Variants in ABTB2 observed in about 807,000 individuals in gnomAD.
ABTB2 encodes ankyrin repeat and BTB/POZ domain-containing protein 2.
A neutral mutation model predicts 104.1 loss-of-function variants in ABTB2; 56 were observed. The ratio of observed to expected loss-of-function variants is 0.54; its 90% confidence interval spans 0.43 to 0.67. ABTB2 has a LOEUF of 0.67. ABTB2 is among the 30% of genes least tolerant of loss of function. The probability of loss-of-function intolerance (pLI) is 0.00; values close to 1 mark genes in which losing one functional copy is unlikely to be tolerated. For missense variants in ABTB2, 1,279 were observed against 1,407.7 expected (o/e 0.91, Z 1.46); for synonymous variants, 606 against 608.2 (o/e 1.00, Z 0.05).
rs186156762 is a variant in ABTB2, at chr11:34,187,051, G to A, written c.1244+10274C>T. Among the ~76,000 whole-genome samples the A allele has an allele frequency of 2.1e-4, 32 of 152,274 alleles. No homozygotes were observed. The East Asian group carries it at 5.8e-3, about 28-fold the overall frequency. On this transcript the variant is annotated intron_variant, in intron 3 of 16. Coordinates refer to ENST00000435224, the MANE Select transcript of ABTB2 (RefSeq NM_145804.3). ...GATCTGTCTCTTACCAGCTGTGATGGTGGGCATGCCTCGGACCTCCTCAAG... is the reference window on the plus strand; with the variant it reads ...GATCTGTCTCTTACCAGCTGTGATGATGGGCATGCCTCGGACCTCCTCAAG...
chr11:34,251,349 A>G (rs1017791845), intron 1 of ABTB2, among the ~76,000 whole-genome samples: 1 of 152,236 alleles, frequency 6.6e-6, no homozygotes, highest in African/African-American at 2.4e-5. Flanking sequence ...TGGCTGAGTG[A>G]CAGCCCCAGG....
intron 3 of ABTB2, among the ~76,000 whole-genome samples, chr11:34,177,276 C>A (rs1260306176): frequency 6.6e-6 from 1 of 152,198 alleles, no homozygotes; most frequent in Non-Finnish European, 1.5e-5. Context: ...CTCCTTAGAA[C>A]TCAACACTTG....
At chr11:34,243,115 A>G (rs1853939699) in intron 1 of ABTB2, among the ~76,000 whole-genome samples, 1 of 152,166 alleles carries the variant, frequency 6.6e-6, no homozygotes, top group African/African-American at 2.4e-5. Context: ...TCCAAAGATC[A>G]TCACACCCAA....
At chr11:34,309,702 ACT>A (rs1387080970) in intron 1 of ABTB2, among the ~76,000 whole-genome samples, 1 of 152,066 alleles carries the variant, frequency 6.6e-6, no homozygotes, top group East Asian at 1.9e-4. Context: ...AGAAAAACAA[ACT>A]TTTGGTTAAC....
chr11:34,219,511 C>T (rs937001736), intron 1 of ABTB2, among the ~76,000 whole-genome samples: 2 of 152,160 alleles, frequency 1.3e-5, no homozygotes, highest in African/African-American at 4.8e-5. Flanking sequence ...CCACCGTACT[C>T]CAGCCTGGGC....
intron 1 of ABTB2, among the ~76,000 whole-genome samples, chr11:34,305,562 A>G (rs1382699836): frequency 6.6e-6 from 1 of 152,204 alleles, no homozygotes; most frequent in South Asian, 2.1e-4. Flanking sequence ...TTGGAGCTTG[A>G]CAGGAAATGT....
intron 1 of ABTB2, among the ~76,000 whole-genome samples, chr11:34,315,155 G>A (rs755277235): frequency 9.2e-5 from 14 of 152,240 alleles, no homozygotes; most frequent in South Asian, 2.1e-4. Flanking sequence ...CCACGTGAGC[G>A]CAGACACTGT....
At chr11:34,182,959 C>G (rs1164223030) in intron 3 of ABTB2, among the ~76,000 whole-genome samples, 2 of 152,136 alleles carry the variant, frequency 1.3e-5, no homozygotes, top group African/African-American at 4.8e-5. Flanking sequence ...GGATATGAAC[C>G]TGGGCAGTGT....
rs78113326 is a variant in ABTB2, at chr11:34,304,108, C to T, written c.883+52593G>A. ...CAGTCCGGCTCTGTGGTGCTGAGGA[C>T]GGAATCATCCCTTTGTCCAGCTGGT... On this transcript the variant is annotated intron_variant, in intron 1 of 16. Coordinates refer to ENST00000435224, the MANE Select transcript of ABTB2 (RefSeq NM_145804.3). 3.5e-3 allele frequency among the ~76,000 whole-genome samples: 532 copies of T among 152,240 alleles called. 3 individuals are homozygous for T. Among genetic ancestry groups the T allele is most frequent in the African/African-American group, 0.011 (454 of 41,546 alleles).
chr11:34,278,662 T>C (rs1854413757), intron 1 of ABTB2, among the ~76,000 whole-genome samples: 1 of 152,182 alleles, frequency 6.6e-6, no homozygotes, highest in Admixed American at 6.5e-5. Flanking sequence ...GAATCATGCC[T>C]AACTTCCCAC....
chr11:34,323,547 C>T (rs1224048260), intron 1 of ABTB2, among the ~76,000 whole-genome samples: 2 of 152,158 alleles, frequency 1.3e-5, no homozygotes, highest in Middle Eastern at 3.2e-3. Context: ...ACTATCGGCT[C>T]GTTCTCTGTT....
intron 1 of ABTB2, among the ~76,000 whole-genome samples, chr11:34,207,297 C>G (rs991926295): frequency 6.6e-6 from 1 of 152,180 alleles, no homozygotes; most frequent in Non-Finnish European, 1.5e-5. Flanking sequence ...GCTGATTTGT[C>G]AAAGGATTCC....
intron 1 of ABTB2, among the ~76,000 whole-genome samples, chr11:34,217,772 T>G (rs1268524375): frequency 6.6e-6 from 1 of 152,226 alleles, no homozygotes; most frequent in Non-Finnish European, 1.5e-5. Context: ...GATAAAAGTT[T>G]TTAACTCCTT....
At chr11:34,273,893 C>G (rs1479094144) in intron 1 of ABTB2, among the ~76,000 whole-genome samples, 1 of 152,030 alleles carries the variant, frequency 6.6e-6, no homozygotes, top group Admixed American at 6.5e-5. Flanking sequence ...TGGCTCACGC[C>G]TGTAATCCCA....
intron 1 of ABTB2, among the ~76,000 whole-genome samples, chr11:34,309,855 T>C (rs1854829155): frequency 6.6e-6 from 1 of 152,208 alleles, no homozygotes; most frequent in Non-Finnish European, 1.5e-5. Context: ...AGTTATTGAT[T>C]TGTGATATGT....
Position 34,356,341 on chromosome 11 carries a change from G to A in ABTB2, c.883+360C>T, listed in dbSNP as rs887995396. ...AACCAGCTGTTGGGGAAAGACAGCA[G>A]CTAGAGACCTAGTCAATCACGGTAA... On this transcript the variant is annotated intron_variant, in intron 1 of 16. Coordinates refer to ENST00000435224, the MANE Select transcript of ABTB2 (RefSeq NM_145804.3). The surrounding 1 kb of genome is among the most constrained non-coding windows in gnomAD (Gnocchi z 4.6). Among the ~76,000 whole-genome samples, 1 of 152,186 alleles carries A rather than the reference G, an allele frequency of 6.6e-6. No individual in the cohort carries two copies. Among genetic ancestry groups the A allele is most frequent in the African/African-American group, 2.4e-5 (1 of 41,428 alleles).
At chr11:34,317,939 C>A (rs553177709) in intron 1 of ABTB2, among the ~76,000 whole-genome samples, 1 of 151,444 alleles carries the variant, frequency 6.6e-6, no homozygotes, top group East Asian at 1.9e-4. Flanking sequence ...CCCTCACCCC[C>A]ACTCCTCCCC....
At chr11:34,171,132 T>A in intron 4 of ABTB2, 61 bp from the exon 5 acceptor site, 2 of 1,557,646 alleles carry the variant, frequency 1.3e-6, no homozygotes, top group African/African-American at 1.4e-5. Flanking sequence ...TTCAATGATG[T>A]GACACACATG....
intron 3 of ABTB2, among the ~76,000 whole-genome samples, chr11:34,196,249 A>C (rs962476779): frequency 1.3e-5 from 2 of 152,166 alleles, no homozygotes; most frequent in African/African-American, 4.8e-5. Flanking sequence ...CTCAGAGAAA[A>C]CCCATTAGAA....
Sources: gnomAD v4.1 joint callset for allele counts (sites outside exome capture counted in the v4.1 genomes callset) on GRCh38, gnomAD v4.1.1 for gene constraint, Gnocchi (gnomAD v3.1) non-coding constraint, MANE v1.5 for transcripts, NCBI Gene and HGNC (gene_info 2026-07-23, HGNC 2026-07-21) for gene names.